HDGFL2: variants seen among roughly 807,000 people sequenced by gnomAD.
HDGFL2 encodes the protein hepatoma-derived growth factor-related protein 2.
HDGFL2 carries 36 observed loss-of-function variants against 77.1 expected under a neutral mutation model. The ratio of observed to expected loss-of-function variants is 0.47; its 90% CI spans 0.36 to 0.62. HDGFL2 has a LOEUF of 0.62. HDGFL2 is among the 20% of genes least tolerant of loss of function. The pLI, the probability that HDGFL2 is intolerant of heterozygous loss-of-function variation, is 0.00. For synonymous variants in HDGFL2, 463 were observed against 413.1 expected (o/e 1.12, Z -1.46); for missense variants, 976 against 973.4 (o/e 1.00, Z -0.04).
chr19:4,474,348 C>T (rs574285709), intron 1 of HDGFL2, among the ~76,000 whole-genome samples: 1 of 152,226 alleles, frequency 6.6e-6, no homozygotes, highest in African/African-American at 2.4e-5. Context: ...GTGAGGCATG[C>T]CGGGCTGGTC....
intron 1 of HDGFL2, among the ~76,000 whole-genome samples, chr19:4,474,641 C>T (rs1470386055): frequency 6.6e-6 from 1 of 152,092 alleles, no homozygotes; most frequent in Non-Finnish European, 1.5e-5. Flanking sequence ...TAGGCACTTC[C>T]CTCCCTTTCC....
At chr19:4,483,160 A>G (rs1444500648) in intron 3 of HDGFL2, among the ~76,000 whole-genome samples, 4 of 152,220 alleles carry the variant, frequency 2.6e-5, no homozygotes, top group African/African-American at 7.2e-5. Context: ...AATCTTGTCA[A>G]AAATTACACA....
At chr19:4,498,439 T>TA in intron 12 of HDGFL2, 63 bp downstream of exon 12, 1 of 1,362,300 alleles carries the variant, frequency 7.3e-7, no homozygotes, top group South Asian at 1.2e-5. Context: ...CAGGCTCCCT[T>TA]AGATGTCTCG....
intron 10 of HDGFL2, chr19:4,497,397 C>T: frequency 3.3e-6 from 1 of 303,300 alleles, no homozygotes; most frequent in Non-Finnish European, 6.4e-6. Context: ...CGGGGCTTCA[C>T]CGTGTTGGCC....
chr19:4,487,958 G>T, intron 3 of HDGFL2, among the ~76,000 whole-genome samples: 1 of 150,792 alleles, frequency 6.6e-6, no homozygotes, highest in African/African-American at 2.4e-5. Flanking sequence ...AAAAAAAAAA[G>T]GAACCATTTC....
At chr19:4,475,890 TC>T (rs1378974623) in intron 3 of HDGFL2, among the ~76,000 whole-genome samples, 3 of 109,034 alleles carry the variant, frequency 2.8e-5, no homozygotes, top group African/African-American at 7.7e-5. Flanking sequence ...AGTCCAAGTT[TC>T]TTTTTTTTTT....
chr19:4,489,134 G>A (rs10401202), intron 4 of HDGFL2, among the ~76,000 whole-genome samples: 1 of 151,518 alleles, frequency 6.6e-6, no homozygotes, highest in South Asian at 2.1e-4. Flanking sequence ...TTGTATTTTT[G>A]TTAGAGACGG....
chr19:4,494,287 GAGA>G lies in HDGFL2; in HGVS notation c.1039_1041del (p.Lys347del), dbSNP rs1568214689. 5 of 1,444,328 alleles carry G rather than the reference GAGA, an allele frequency of 3.5e-6. No individual in the cohort carries two copies. The highest frequency in any genetic ancestry group is 4.5e-6 in the Non-Finnish European group (5 of 1,102,364). The allele number at this position is 1,444,328 out of a possible 1,614,324, so 89.5% of individuals were successfully genotyped here. ...GGAGCTGCGGCGCCTGCGGGAGCAG[GAGA>G]AGGAGGAGAAGGAGCGGAGGCGCGA... is the stretch of plus-strand genomic sequence containing the variant. On this transcript the variant is annotated inframe_deletion, in exon 9 of 16. Coordinates refer to ENST00000616600, the MANE Select transcript of HDGFL2 (RefSeq NM_001001520.3).
At chr19:4,482,726 G>A (rs1384712111) in intron 3 of HDGFL2, among the ~76,000 whole-genome samples, 2 of 152,160 alleles carry the variant, frequency 1.3e-5, no homozygotes, top group Non-Finnish European at 2.9e-5. Flanking sequence ...GCAGTTACTC[G>A]CTGTGTGATC....
chr19:4,477,684 G>A (rs913126346), intron 3 of HDGFL2, among the ~76,000 whole-genome samples: 1 of 152,152 alleles, frequency 6.6e-6, no homozygotes, highest in Non-Finnish European at 1.5e-5. Flanking sequence ...AATTAAACAA[G>A]CCCTGTACAG....
At chr19:4,500,713 G>T (rs1054658135) in intron 14 of HDGFL2, among the ~76,000 whole-genome samples, 2 of 152,040 alleles carry the variant, frequency 1.3e-5, no homozygotes, top group African/African-American at 2.4e-5. Context: ...CGCCCTCCTC[G>T]GCCTCCCAAA....
At chr19:4,498,199 G>T in intron 11 of HDGFL2, 107 bp from the exon 12 acceptor site, 1 of 1,243,502 alleles carries the variant, frequency 8.0e-7, no homozygotes, top group East Asian at 2.4e-5. Flanking sequence ...CTGCAGACCT[G>T]GGGCCCCCAT....
At chr19:4,498,122 T>G in intron 11 of HDGFL2, 91 bp downstream of exon 11, 1 of 1,283,536 alleles carries the variant, frequency 7.8e-7, no homozygotes, top group Non-Finnish European at 1.1e-6. Flanking sequence ...CGCCTGTCCC[T>G]AGAGAGGGTG....
intron 15 of HDGFL2, 120 bp downstream of exon 15, chr19:4,501,437 T>G: frequency 8.2e-7 from 1 of 1,226,106 alleles, no homozygotes; most frequent in East Asian, 2.9e-5. Flanking sequence ...GATGTCGTCC[T>G]TACTCGGGCC....
At chr19:4,473,124 G>A (rs1385874406) in intron 1 of HDGFL2, among the ~76,000 whole-genome samples, 5 of 150,736 alleles carry the variant, frequency 3.3e-5, no homozygotes, top group African/African-American at 1.2e-4. Flanking sequence ...GCCCGAGGAA[G>A]CGGTGCCCTG....
intron 3 of HDGFL2, 30 bp downstream of exon 3, chr19:4,475,613 A>C: frequency 6.5e-7 from 1 of 1,547,278 alleles, no homozygotes; most frequent in Non-Finnish European, 8.7e-7. Flanking sequence ...AGCCAGTGTG[A>C]AGCGCGCTAC....
At position 4,475,199 on chromosome 19, in the gene HDGFL2, A is replaced by C. The variant is rs547276491; in HGVS notation, c.73-76A>C. The C allele has an allele frequency of 4.6e-5, 61 of 1,338,084 alleles. No individual in the cohort carries two copies. In the South Asian group the frequency reaches 7.3e-4, roughly 16 times the overall value. 82.9% of individuals were successfully genotyped at this position (1,338,084 alleles called of 1,614,324 possible). Reference sequence around the variant, plus strand: ...CCCTCCTCCCAGCGTGATTTGCCCCAAGTAACTTGGCTGATTTCTCGGTGA... The same window carrying C: ...CCCTCCTCCCAGCGTGATTTGCCCCCAGTAACTTGGCTGATTTCTCGGTGA... On this transcript the variant is annotated intron_variant, in intron 1 of 15. Coordinates refer to ENST00000616600, the MANE Select transcript of HDGFL2 (RefSeq NM_001001520.3).
In HDGFL2 at chr19:4,491,790, G is replaced by A. The variant is rs1360177354; in HGVS notation, c.633G>A (p.Ala211=). 11 of 1,613,926 alleles carry A rather than the reference G, an allele frequency of 6.8e-6. No individual in the cohort carries two copies. Among genetic ancestry groups the A allele is most frequent in the Middle Eastern group, 3.3e-4 (2 of 6,084 alleles). ...ACTTCACACCTGAGAAGAAAGCAGC[G>A]GTCCGGGCGCCACGGAGGGGCCCTC... is the stretch of plus-strand genomic sequence containing the variant. The part of the protein sequence containing the change: ...DQDFTPEKKA[A]VRAPRRGPLG... Residue 211 remains alanine (A), a synonymous_variant, in exon 6 of 16, where the codon GCG becomes GCA. Coordinates refer to ENST00000616600, the MANE Select transcript of HDGFL2 (RefSeq NM_001001520.3).
At chr19:4,499,056 G>T in intron 13 of HDGFL2, 141 bp downstream of exon 13, 1 of 623,972 alleles carries the variant, frequency 1.6e-6, no homozygotes, top group South Asian at 1.7e-5. Context: ...GGGTAGAAAT[G>T]CCTGGTGCTT....
Sources: allele counts gnomAD v4.1 joint callset (sites outside exome capture counted in the v4.1 genomes callset), GRCh38; gene constraint gnomAD v4.1.1; transcripts MANE v1.5; gene names NCBI Gene and HGNC (gene_info 2026-07-23, HGNC 2026-07-21).